The following AGO2 variants were observed in gnomAD, a reference collection of about 807,000 sequenced individuals.
The protein encoded by AGO2 is argonaute RISC catalytic component 2.
Under a neutral mutation model 102.3 loss-of-function variants are expected in AGO2, and 5 were observed. The ratio of observed to expected loss-of-function variants is 0.05; its 90% confidence interval spans 0.03 to 0.10. The LOEUF (loss-of-function observed/expected upper bound fraction) is 0.10. Among genes scored for constraint, AGO2 ranks in the 10% least tolerant of loss-of-function variants. AGO2 has a pLI of 1.00. For synonymous variants in AGO2, 449 were observed against 473.1 expected (o/e 0.95, Z 0.66); for missense variants, 541 against 1,183.7 (o/e 0.46, Z 7.97).
rs1490520821 is a variant in AGO2, at chr8:140,557,080, G to A, written c.1026+9C>T. ...GCCCCCAGAGACACACAGGAAGAGG[G>A]TGACTTGCCTCCAGGGGAAGGTAGG... On this transcript the variant is annotated intron_variant, in intron 8 of 18. Transcript: ENST00000220592. This position sits in a 1 kb window ranked among gnomAD's most constrained non-coding sequence, Gnocchi z 5.9. The A allele has an allele frequency of 6.2e-7, 1 of 1,610,640 alleles. No homozygotes were observed. The highest frequency in any genetic ancestry group is 8.5e-7 in the Non-Finnish European group (1 of 1,178,098).
chr8:140,558,340 C>T, intron 7 of AGO2, 145 bp downstream of exon 7: 2 of 815,122 alleles, frequency 2.5e-6, no homozygotes, highest in South Asian at 3.2e-5. Flanking sequence ...TCTACTGAGC[C>T]ATGTAAGGGA....
chr8:140,641,541 T>G, the AGO2 span, among the ~76,000 whole-genome samples: 2 of 152,194 alleles, frequency 1.3e-5, no homozygotes, highest in Admixed American at 1.3e-4. Context: ...GACCAATATT[T>G]TAAAATTAAC....
chr8:140,559,313 A>G (rs760407353), intron 6 of AGO2, 82 bp downstream of exon 6: 313 of 1,552,408 alleles, frequency 2.0e-4, no homozygotes, highest in Non-Finnish European at 2.4e-4. Context: ...CACAAGAACC[A>G]GAACTGCAAA....
chr8:140,534,904 G>T, intron 17 of AGO2, among the ~76,000 whole-genome samples: 1 of 152,284 alleles, frequency 6.6e-6, no homozygotes, highest in East Asian at 1.9e-4. Context: ...CCCAAGAATC[G>T]CCTTGGGTCA....
intron 3 of AGO2, among the ~76,000 whole-genome samples, chr8:140,569,302 A>T (rs2073341741): frequency 6.6e-6 from 1 of 152,298 alleles, no homozygotes; most frequent in Non-Finnish European, 1.5e-5. Flanking sequence ...GGTCTGCCCT[A>T]ACTTCCTTCT....
At chr8:140,553,413 T>TG (rs2073038966) in intron 10 of AGO2, among the ~76,000 whole-genome samples, 1 of 144,550 alleles carries the variant, frequency 6.9e-6, no homozygotes, top group Admixed American at 6.8e-5. Flanking sequence ...TGTTTTTTGT[T>TG]TTTTTTTTTT....
At chr8:140,584,462 C>T (rs1042222053) in intron 2 of AGO2, among the ~76,000 whole-genome samples, 1 of 152,300 alleles carries the variant, frequency 6.6e-6, no homozygotes, top group East Asian at 1.9e-4. Context: ...AGCTGCCCTT[C>T]GGCCCAGCAA....
At chr8:140,538,197 T>C (rs2072731116) in intron 16 of AGO2, among the ~76,000 whole-genome samples, 2 of 152,194 alleles carry the variant, frequency 1.3e-5, no homozygotes, top group African/African-American at 2.4e-5. Flanking sequence ...CACCTTCCAT[T>C]TGCACAGTAA....
intron 1 of AGO2, among the ~76,000 whole-genome samples, chr8:140,627,715 A>T (rs999204760): frequency 6.6e-6 from 1 of 152,192 alleles, no homozygotes; most frequent in East Asian, 1.9e-4. Context: ...AGCCCCAGTA[A>T]TCACCTTCAG....
chr8:140,559,582 C>A lies in AGO2; in HGVS notation c.656-53G>T, dbSNP rs375456667. ...TAAGCATGACTGTGGGGCTGCTGGA[C>A]GGGCCCATAGTCCTGGAGGGGCCTC... On this transcript the variant is annotated intron_variant, in intron 5 of 18. Coordinates refer to ENST00000220592, the MANE Select transcript of AGO2 (RefSeq NM_012154.5). The A allele has an allele frequency of 1.4e-5, 22 of 1,607,140 alleles. No individual in the cohort carries two copies. In the South Asian group the frequency reaches 2.0e-4, roughly 15 times the overall value.
intron 13 of AGO2, among the ~76,000 whole-genome samples, chr8:140,546,214 G>A (rs532665582): frequency 6.6e-6 from 1 of 152,302 alleles, no homozygotes; most frequent in Non-Finnish European, 1.5e-5. Context: ...GCTCACAGCC[G>A]TTCCACTCGG....
In AGO2 at chr8:140,529,083, C is replaced by G. The variant is rs28390280; in HGVS notation, c.*2961G>C. 2.0e-5 allele frequency: 3 copies of G among 152,182 alleles called. No homozygotes were observed. The highest frequency in any genetic ancestry group is 2.1e-4 in the South Asian group (1 of 4,832). 9.4% of individuals were successfully genotyped at this position (152,182 alleles called of 1,614,324 possible). On this transcript the variant is annotated 3_prime_UTR_variant, in exon 19 of 19. Transcript: ENST00000220592. The stretch of plus-strand genomic sequence containing the variant: ...TTTTAAACAAACCCAGACTTCTACA[C>G]ATAATTTTCACATTCAGTTTGCTTA...
chr8:140,596,564 C>A (rs1253598861), intron 1 of AGO2, among the ~76,000 whole-genome samples: 6 of 152,206 alleles, frequency 3.9e-5, no homozygotes, highest in Non-Finnish European at 8.8e-5. Context: ...GCCTGGGCAA[C>A]AAGAGCAAAA....
intron 2 of AGO2, among the ~76,000 whole-genome samples, chr8:140,577,988 G>T (rs2073493402): frequency 6.6e-6 from 1 of 152,226 alleles, no homozygotes; most frequent in Admixed American, 6.5e-5. Context: ...ATGCCAGTGA[G>T]GCAGTGCCCT....
intron 1 of AGO2, among the ~76,000 whole-genome samples, chr8:140,607,682 C>A (rs559598411): frequency 1.3e-5 from 2 of 152,008 alleles, no homozygotes; most frequent in Admixed American, 1.3e-4. Flanking sequence ...AGAAGCCAGA[C>A]ACAAAAGTCC....
chr8:140,568,317 A>AG (rs2073324771), intron 3 of AGO2, among the ~76,000 whole-genome samples: 1 of 151,156 alleles, frequency 6.6e-6, no homozygotes, highest in Non-Finnish European at 1.5e-5. Context: ...GCACAAAGAA[A>AG]CTGTGTATGA....
chr8:140,564,661 G>A (rs1210113815), intron 3 of AGO2, among the ~76,000 whole-genome samples: 9 of 152,086 alleles, frequency 5.9e-5, no homozygotes, highest in Non-Finnish European at 1.3e-4. Flanking sequence ...AACTATATAG[G>A]GCCAGGCACA....
chr8:140,586,841 T>C (rs1310801103), intron 1 of AGO2, among the ~76,000 whole-genome samples: 1 of 152,164 alleles, frequency 6.6e-6, no homozygotes, highest in African/African-American at 2.4e-5. Flanking sequence ...CCCGGGAATC[T>C]GGCCCTGTGG....
intron 13 of AGO2, 77 bp downstream of exon 13, chr8:140,547,391 T>G: frequency 6.4e-7 from 1 of 1,550,748 alleles, no homozygotes; most frequent in Non-Finnish European, 8.7e-7. Context: ...CCCTGCCCCC[T>G]GCATACTGCA....
Sources: gnomAD v4.1 joint callset for allele counts (sites outside exome capture counted in the v4.1 genomes callset) on GRCh38, gnomAD v4.1.1 for gene constraint, Gnocchi (gnomAD v3.1) non-coding constraint, MANE v1.5 for transcripts, NCBI Gene and HGNC (gene_info 2026-07-23, HGNC 2026-07-21) for gene names.